Variants in SIX5 observed in about 807,000 individuals in gnomAD.
SIX5 encodes the protein SIX homeobox 5.
Under a neutral mutation model 37.1 loss-of-function variants are expected in SIX5, and 21 were observed. The ratio of observed to expected loss-of-function variants is 0.57; its 90% CI spans 0.40 to 0.81. The LOEUF is 0.81. Among genes scored for constraint, SIX5 ranks in the 40% least tolerant of loss-of-function variants. The pLI is 0.00. For synonymous variants in SIX5, 626 were observed against 505.9 expected (o/e 1.24, Z -3.19); for missense variants, 1,137 against 1,025.1 (o/e 1.11, Z -1.49).
chr19:45,767,747 C>T lies in SIX5; in HGVS notation c.803+295G>A, dbSNP rs958712893. On this transcript the variant is annotated intron_variant, in intron 1 of 2. Transcript: ENST00000317578. ...AGTGGCCACAGGCCCTGTCCTTTTT[C>T]CTCAGTCCCTCTAGTGCCCCCCGCA... The T allele has an allele frequency of 3.2e-5, 16 of 497,290 alleles. No homozygotes were observed. In the Middle Eastern group the frequency reaches 1.6e-3, roughly 48 times the overall value. The allele number at this position is 497,290 out of a possible 1,614,324, so 30.8% of individuals were successfully genotyped here.
Position 45,768,533 on chromosome 19 carries a change from G to C in SIX5, c.312C>G (p.Ala104=), listed in dbSNP as rs1056874375. Residue 104 remains alanine (A), a synonymous_variant, in exon 1 of 3, where the codon GCC becomes GCG. Coordinates refer to ENST00000317578, the MANE Select transcript of SIX5 (RefSeq NM_175875.5). ...CGCCCAGGAAGCGGCTCAAGCGGCC[G>C]GCGTGGCCCGCCTGGAGCAGCGCCT... ...VCEALLQAGH[A]GRLSRFLGAL... 3.0e-5 allele frequency: 43 copies of C among 1,425,178 alleles called. No homozygotes were observed. Among genetic ancestry groups the C allele is most frequent in the Non-Finnish European group, 3.8e-5 (42 of 1,099,420 alleles). The allele number at this position is 1,425,178 out of a possible 1,614,324, so 88.3% of individuals were successfully genotyped here. A position where few individuals can be genotyped will look rare whatever the true frequency, so the allele number is the denominator to read the frequency against.
Position 45,768,662 on chromosome 19 carries a change from A to G in SIX5, c.183T>C (p.Ala61=). The G allele has an allele frequency of 8.6e-7, 1 of 1,159,074 alleles. No homozygotes were observed. Among genetic ancestry groups the G allele is most frequent in the Non-Finnish European group, 1.1e-6 (1 of 948,224 alleles). 71.8% of individuals were successfully genotyped at this position (1,159,074 alleles called of 1,614,324 possible). A position where few individuals can be genotyped will look rare whatever the true frequency, so the allele number is the denominator to read the frequency against. ...GGACGCCCGGGGATCCCGGGCCCTC[A>G]GCTCCCGCAGCCGCTGCGCCCGCCC... The part of the protein sequence containing the change: ...GAGAGAAAAG[A]EGPGSPGVPG... The change falls in exon 1 of 3, where the codon GCT becomes GCC. Residue 61 remains alanine, a synonymous_variant. Coordinates refer to ENST00000317578, the MANE Select transcript of SIX5 (RefSeq NM_175875.5).
rs971812111 is a variant in SIX5 at position 45,766,899 on chromosome 19, A to C, written c.1060T>G (p.Ser354Ala). ...IINGLALGEA[S>A]SLGPLLLTGG... ...GTGAGCAGCAGCGGGCCCAGGCTGG[A>C]GGCCTCGCCCAGGGCCAGGCCGTTG... Residue 354 changes from serine to alanine, a missense_variant, in exon 2 of 3, where the codon TCC becomes GCC. Physicochemically the swap from Ser to Ala is moderately conservative, Grantham distance 99 (BLOSUM62 1). Around this residue, in one of 3 missense-constraint regions of SIX5, gnomAD observed 787 missense variants for 621.4 expected, o/e 1.27. Transcript: ENST00000317578. 3 of 1,552,336 alleles carry C rather than the reference A, an allele frequency of 1.9e-6. No individual in the cohort carries two copies. In the African/African-American group the frequency reaches 4.1e-5, roughly 21 times the overall value.
At position 45,766,966 on chromosome 19, in the gene SIX5, G is replaced by T. The variant is rs760311721; in HGVS notation, c.993C>A (p.Ser331Arg). 1.3e-6 allele frequency: 2 copies of T among 1,591,938 alleles called. No homozygotes were observed. The change falls in exon 2 of 3, where the codon AGC (serine) becomes AGA (arginine). Residue 331 changes from serine (S) to arginine (R), a missense_variant. Ser to Arg is a moderately radical substitution (Grantham distance 110). Around this residue, in one of 3 missense-constraint regions of SIX5, gnomAD observed 787 missense variants for 621.4 expected, o/e 1.27. Coordinates refer to ENST00000317578, the MANE Select transcript of SIX5 (RefSeq NM_175875.5). ...CGTTGAGGAGCACTGCTGGGGAGCC[G>T]CTGGCTGCCAGGAAGCTCCCGTTCA... ...ILVNGSFLAA[S>R]GSPAVLLNGG...
In SIX5 at chr19:45,768,438, T is replaced by C; in HGVS notation, c.407A>G (p.Gln136Arg). 6.5e-7 allele frequency: 1 copy of C among 1,536,042 alleles called. No homozygotes were observed. The highest frequency in any genetic ancestry group is 8.7e-7 in the Non-Finnish European group (1 of 1,147,758). ...GTAGAGCTCGGCGTACTCGCCCCGC[T>C]GGAAGGCCACCAGGGCCCGCGCGCG... The part of the protein sequence containing the change: ...VLRARALVAF[Q>R]RGEYAELYRL... Residue 136 changes from glutamine (Q) to arginine (R), a missense_variant, in exon 1 of 3, where the codon CAG becomes CGG. Gln to Arg is a conservative substitution (Grantham distance 43). This residue lies in a region of SIX5 where 331 missense variants were observed against 360.9 expected (regional missense o/e 0.92). Coordinates refer to ENST00000317578, the MANE Select transcript of SIX5 (RefSeq NM_175875.5).
In SIX5 at chr19:45,766,759, C is replaced by A; in HGVS notation, c.1200G>T (p.Ser400=). Residue 400 remains serine (S), a synonymous_variant, in exon 2 of 3, where the codon TCG becomes TCT. Coordinates refer to ENST00000317578, the MANE Select transcript of SIX5 (RefSeq NM_175875.5). ...GGGCCCCTTTGGTCTCAGGGGCCTC[C>A]GACTGAGCCTCCTCCAGCCGCACCT... ...TGEVRLEEAQ[S]EAPETKGAQV... 6.3e-7 allele frequency: 1 copy of A among 1,580,996 alleles called. No individual in the cohort carries two copies. The highest frequency in any genetic ancestry group is 2.3e-5 in the East Asian group (1 of 42,744).
chr19:45,767,196 G>A (rs1356903868), intron 1 of SIX5, 41 bp from the exon 2 acceptor site: 1 of 1,592,504 alleles, frequency 6.3e-7, no homozygotes, highest in East Asian at 2.3e-5. Flanking sequence ...CCCTTAGCCT[G>A]TGGGGCCTCC....
intron 1 of SIX5, 54 bp from the exon 2 acceptor site, chr19:45,767,209 C>T: frequency 6.4e-7 from 1 of 1,558,162 alleles, no homozygotes; most frequent in Non-Finnish European, 8.7e-7. Context: ...GGGCCTCCCG[C>T]ATAGCCAGCC....
At position 45,767,084 on chromosome 19, in the gene SIX5, G is replaced by A. The variant is rs1249381113; in HGVS notation, c.875C>T (p.Ala292Val). ...RSPEDLERGAAPVSAEAAAQG... is the reference protein window; with the variant it reads ...RSPEDLERGAVPVSAEAAAQG... Reference sequence around the variant, plus strand: ...GGCAGCGGCCTCGGCGGACACTGGGGCCGCCCCTCTCTCCAGGTCCTCAGG... The same window carrying A: ...GGCAGCGGCCTCGGCGGACACTGGGACCGCCCCTCTCTCCAGGTCCTCAGG... Residue 292 changes from alanine (A) to valine (V), a missense_variant, in exon 2 of 3, where the codon GCC becomes GTC. Ala to Val is a moderately conservative substitution (Grantham distance 64). Around this residue, in one of 3 missense-constraint regions of SIX5, gnomAD observed 787 missense variants for 621.4 expected, o/e 1.27. Transcript: ENST00000317578. 2.5e-6 allele frequency: 4 copies of A among 1,609,882 alleles called. No homozygotes were observed. The highest frequency in any genetic ancestry group is 3.4e-6 in the Non-Finnish European group (4 of 1,178,010).
chr19:45,768,534 G>A lies in SIX5; in HGVS notation c.311C>T (p.Ala104Val). The part of the protein sequence containing the change: ...VCEALLQAGH[A>V]GRLSRFLGAL... Reference sequence around the variant, plus strand: ...GCCCAGGAAGCGGCTCAAGCGGCCGGCGTGGCCCGCCTGGAGCAGCGCCTC... The same window carrying A: ...GCCCAGGAAGCGGCTCAAGCGGCCGACGTGGCCCGCCTGGAGCAGCGCCTC... The change falls in exon 1 of 3, where the codon GCC becomes GTC. Residue 104 changes from alanine (A) to valine (V), a missense_variant. By Grantham distance (64) the Ala-to-Val change is moderately conservative. Transcript: ENST00000317578. 1 of 1,424,724 alleles carries A rather than the reference G, an allele frequency of 7.0e-7. No homozygotes were observed. The highest frequency in any genetic ancestry group is 9.1e-7 in the Non-Finnish European group (1 of 1,099,168). 88.3% of individuals were successfully genotyped at this position (1,424,724 alleles called of 1,614,324 possible). A position where few individuals can be genotyped will look rare whatever the true frequency, so the allele number is the denominator to read the frequency against.
Position 45,768,374 on chromosome 19 carries a change from G to A in SIX5, c.471C>T (p.His157=), listed in dbSNP as rs776635124. Residue 157 remains histidine, a synonymous_variant, in exon 1 of 3, where the codon CAC becomes CAT. Coordinates refer to ENST00000317578, the MANE Select transcript of SIX5 (RefSeq NM_175875.5). ...LESRPFPAAH[H]AFLQDLYLRA... ...GCAGGTAGAGGTCCTGCAGGAAGGC[G>A]TGGTGGGCGGCGGGGAAGGGGCGGC... 7 of 1,587,728 alleles carry A rather than the reference G, an allele frequency of 4.4e-6. No homozygotes were observed. Among genetic ancestry groups the A allele is most frequent in the Non-Finnish European group, 6.0e-6 (7 of 1,171,410 alleles).
chr19:45,767,971 C>A (rs989210154), intron 1 of SIX5, 71 bp downstream of exon 1: 36 of 1,482,760 alleles, frequency 2.4e-5, no homozygotes, highest in Non-Finnish European at 3.0e-5. Context: ...CAGCAGTGGG[C>A]ACGGGGGAAG....
rs1405112384 is a variant in SIX5, at chr19:45,765,171, CCCTGGGGCAGGGTG to C, written c.*316_*329del. On this transcript the variant is annotated 3_prime_UTR_variant, in exon 3 of 3. Transcript: ENST00000317578. ...AGGGCTCTGGGGGCTGGAAGTCCGG[CCCTGGGGCAGGGTG>C]TTCCGCTTACAGCTAGTACCAAGTG... is the stretch of plus-strand genomic sequence containing the variant. 4.4e-6 allele frequency: 2 copies of C among 453,124 alleles called. No homozygotes were observed. Among genetic ancestry groups the C allele is most frequent in the East Asian group, 8.3e-5 (2 of 24,044 alleles). The allele number at this position is 453,124 out of a possible 1,614,324, so 28.1% of individuals were successfully genotyped here.
At position 45,766,428 on chromosome 19, in the gene SIX5, C is replaced by T. The variant is rs1250338940; in HGVS notation, c.1531G>A (p.Ala511Thr). ...ATGAGGTGCACATTGGCAGGGCCTG[C>T]TGCAGCTGCCACCTTCACAGGGCTG... ...PGSPVKVAAAAGPANVHLINS... is the reference protein window; with the variant it reads ...PGSPVKVAAATGPANVHLINS... Residue 511 changes from alanine (A) to threonine (T), a missense_variant, in exon 2 of 3, where the codon GCA becomes ACA. Around this residue, in one of 3 missense-constraint regions of SIX5, gnomAD observed 787 missense variants for 621.4 expected, o/e 1.27. Transcript: ENST00000317578. 2 of 1,566,130 alleles carry T rather than the reference C, an allele frequency of 1.3e-6. No individual in the cohort carries two copies. The highest frequency in any genetic ancestry group is 1.4e-5 in the African/African-American group (1 of 73,644).
chr19:45,766,225 T>C, intron 2 of SIX5, 114 bp from the exon 3 acceptor site: 4 of 1,498,694 alleles, frequency 2.7e-6, no homozygotes, highest in Non-Finnish European at 3.6e-6. Context: ...TGGTGGGCCT[T>C]GGGGCACTGG....
rs1600401760 is a variant in SIX5 at position 45,768,817 on chromosome 19, C to T, written c.28G>A (p.Ala10Thr). Residue 10 changes from alanine (A) to threonine (T), a missense_variant, in exon 1 of 3, where the codon GCG (alanine) becomes ACG (threonine). By Grantham distance (58) the Ala-to-Thr change is moderately conservative. Coordinates refer to ENST00000317578, the MANE Select transcript of SIX5 (RefSeq NM_175875.5). ...GCCTCCCCCCCAGCCGCCGGCCCCGCGCTCGGCTCCGCAGGCAAGGTAGCC... is the reference window on the plus strand; with the variant it reads ...GCCTCCCCCCCAGCCGCCGGCCCCGTGCTCGGCTCCGCAGGCAAGGTAGCC... Reference protein sequence around the residue: MATLPAEPSAGPAAGGEAVA... With the variant: MATLPAEPSTGPAAGGEAVA... The T allele has an allele frequency of 8.5e-6, 13 of 1,529,690 alleles. No homozygotes were observed. The highest frequency in any genetic ancestry group is 1.1e-5 in the Non-Finnish European group (13 of 1,144,248). 94.8% of individuals were successfully genotyped at this position (1,529,690 alleles called of 1,614,324 possible).
Position 45,765,818 on chromosome 19 carries a change from G to T in SIX5, c.1903C>A (p.Pro635Thr). The T allele has an allele frequency of 6.2e-7, 1 of 1,602,144 alleles. No individual in the cohort carries two copies. Reference protein sequence around the residue: ...AAATTSSTSLPFSPDSPGLLP... With the variant: ...AAATTSSTSLTFSPDSPGLLP... ...AGGCCAGGGGAGTCAGGGGAGAAGG[G>T]CAGGCTGGTGCTGGAGGTGGTGGCA... The change falls in exon 3 of 3, where the codon CCC becomes ACC. Residue 635 changes from proline (P) to threonine (T), a missense_variant. Pro to Thr is a conservative substitution (Grantham distance 38). Transcript: ENST00000317578.
In SIX5 at chr19:45,766,782, C is replaced by A. The variant is rs1969085046; in HGVS notation, c.1177G>T (p.Val393Leu). Residue 393 changes from valine to leucine, a missense_variant, in exon 2 of 3, where the codon GTG (valine) becomes TTG (leucine). By Grantham distance (32) the Val-to-Leu change is conservative (BLOSUM62 1). Coordinates refer to ENST00000317578, the MANE Select transcript of SIX5 (RefSeq NM_175875.5). ...SLVLDPQTGE[V>L]RLEEAQSEAP... is the part of the protein sequence containing the mutation. ...TCCGACTGAGCCTCCTCCAGCCGCA[C>A]CTCCCCTGTCTGAGGGTCCAGGACC... The A allele has an allele frequency of 1.3e-6, 2 of 1,579,186 alleles. No homozygotes were observed. The highest frequency in any genetic ancestry group is 1.7e-6 in the Non-Finnish European group (2 of 1,165,606).
At chr19:45,767,917 G>A in intron 1 of SIX5, 125 bp downstream of exon 1, 1 of 1,060,656 alleles carries the variant, frequency 9.4e-7, no homozygotes, top group Non-Finnish European at 1.3e-6. Flanking sequence ...CTGAGATTGT[G>A]AGCTGGTCCC....
Sources: gnomAD v4.1 joint callset for allele counts on GRCh38, gnomAD v4.1.1 for gene constraint, gnomAD v4.1.1 regional missense constraint, MANE v1.5 for transcripts, NCBI Gene and HGNC (gene_info 2026-07-23, HGNC 2026-07-21) for gene names.